MBTPS2: variants seen among roughly 807,000 people sequenced by gnomAD.
The protein encoded by MBTPS2 is membrane-bound transcription factor site-2 protease.
In MBTPS2, 2 loss-of-function variants were observed where a neutral mutation model predicts 35.4. The ratio of observed to expected loss-of-function variants is 0.06; its 90% CI spans 0.02 to 0.18. The LOEUF is 0.18. Ranked by LOEUF, MBTPS2 falls within the 10% of genes least tolerant of loss-of-function variation. The pLI, the probability that MBTPS2 is intolerant of heterozygous loss-of-function variation, is 1.00. For synonymous variants in MBTPS2, 125 were observed against 140.4 expected, an observed-to-expected ratio of 0.89 and a Z score of 0.77; for missense variants, 244 against 386.5, an observed-to-expected ratio of 0.63 and a Z score of 3.09.
intron 3 of MBTPS2, among the ~76,000 whole-genome samples, chrX:21,846,203 C>G (rs758946794): frequency 9.0e-6 from 1 of 111,133 alleles, no homozygotes; most frequent in Admixed American, 9.6e-5. Context: ...GGTGAGGCCT[C>G]AGAAGAAATT....
chrX:21,876,588 A>G (rs1419921057), intron 7 of MBTPS2, among the ~76,000 whole-genome samples: 2 of 109,251 alleles, frequency 1.8e-5, no homozygotes, highest in African/African-American at 6.6e-5. Flanking sequence ...AGAAAACAGA[A>G]CAAAGAACAA....
chrX:21,881,441 T>C (rs913277249), intron 10 of MBTPS2, among the ~76,000 whole-genome samples: 1 of 111,829 alleles, frequency 8.9e-6, no homozygotes, highest in Non-Finnish European at 1.9e-5. Context: ...CCAAATCTTA[T>C]TGTGGTCTTT....
intron 5 of MBTPS2, among the ~76,000 whole-genome samples, chrX:21,860,419 A>C (rs1167028778): frequency 8.9e-6 from 1 of 112,421 alleles, no homozygotes; most frequent in Non-Finnish European, 1.9e-5. Context: ...TCTCAAAAAA[A>C]ATAAAGTAAA....
At chrX:21,849,858 C>CAA (rs34366540) in intron 3 of MBTPS2, among the ~76,000 whole-genome samples, 1 of 77,226 alleles carries the variant, frequency 1.3e-5, no homozygotes, top group Non-Finnish European at 2.6e-5. Context: ...ACTAAAAATA[C>CAA]AAAAAAAAAA....
At chrX:21,858,911 A>G (rs1324231742) in intron 5 of MBTPS2, among the ~76,000 whole-genome samples, 6 of 103,412 alleles carry the variant, frequency 5.8e-5, no homozygotes, top group African/African-American at 1.8e-4. Flanking sequence ...AAAAAAGAGA[A>G]AAAGGGGCAG....
At chrX:21,851,371 C>A in intron 3 of MBTPS2, 138 bp from the exon 4 acceptor site, 1 of 521,486 alleles carries the variant, frequency 1.9e-6, no homozygotes, top group East Asian at 3.4e-5. Flanking sequence ...AGAAGTGAAC[C>A]ATTGTCATAT....
chrX:21,852,588 C>T (rs2092916002), intron 4 of MBTPS2, among the ~76,000 whole-genome samples: 1 of 109,335 alleles, frequency 9.1e-6, no homozygotes, highest in African/African-American at 3.3e-5. Context: ...AACAGCTTAA[C>T]AATTTACAGT....
intron 7 of MBTPS2, among the ~76,000 whole-genome samples, chrX:21,876,016 A>G (rs759213171): frequency 8.9e-6 from 1 of 112,251 alleles, no homozygotes; most frequent in East Asian, 2.8e-4. Flanking sequence ...AAGAGGGAAT[A>G]GGTAAGGAGA....
In MBTPS2 at chrX:21,878,686, T is replaced by C. The variant is rs373607391; in HGVS notation, c.1255T>C (p.Tyr419His). The C allele has an allele frequency of 8.4e-6, 10 of 1,188,167 alleles. No homozygotes were observed. The African/African-American group carries it at 1.6e-4, about 19-fold the overall frequency. Residue 419 changes from tyrosine (Y) to histidine (H), a missense_variant, in exon 9 of 11, where the codon TAC (tyrosine) becomes CAC (histidine). Transcript: ENST00000379484. ...CGTAGGACATCCTCTGCATCTTCAC[T>C]ACACAGGTGAGTATTTTTGTGGTAG... ...LYVGHPLHLH[Y>H]TVSITSFIPR...
chrX:21,876,820 A>T (rs2147452639), intron 7 of MBTPS2, among the ~76,000 whole-genome samples: 1 of 112,388 alleles, frequency 8.9e-6, no homozygotes, highest in South Asian at 3.7e-4. Flanking sequence ...TTATAAAATT[A>T]AAATTACATT....
Position 21,863,281 on chromosome X carries a change from AT to A in MBTPS2, c.671-5184del, listed in dbSNP as rs1352767906. Among the ~76,000 whole-genome samples, 7 of 101,989 alleles carry A rather than the reference AT, an allele frequency of 6.9e-5. No homozygotes were observed. The South Asian group carries it at 2.6e-3, about 37-fold the overall frequency. 88.6% of individuals were successfully genotyped at this position (101,989 alleles called of 115,157 possible). ...ACTGTCTCAAAAAAAAAAAAAAAAA[AT>A]TAAATTTAAAAAAAAATTAAAAACT... On this transcript the variant is annotated intron_variant, in intron 5 of 10. Coordinates refer to ENST00000379484, the MANE Select transcript of MBTPS2 (RefSeq NM_015884.4).
chrX:21,862,968 A>ATATATATATATATATATATATATAT (rs1569325859), intron 5 of MBTPS2, among the ~76,000 whole-genome samples: 16 of 67,086 alleles, frequency 2.4e-4, no homozygotes, highest in East Asian at 5.6e-4. Flanking sequence ...ATATATATAT[A>ATATATATATATATATATATATATAT]AAACCGACTG....
At chrX:21,856,272 C>T (rs1423213823) in intron 5 of MBTPS2, 2 of 440,148 alleles carry the variant, frequency 4.5e-6, no homozygotes, top group South Asian at 4.1e-5. Context: ...TCGTGCTTTC[C>T]TCAGTCTCGC....
intron 3 of MBTPS2, among the ~76,000 whole-genome samples, chrX:21,847,521 A>G (rs1241289231): frequency 8.9e-6 from 1 of 112,157 alleles, no homozygotes; most frequent in Non-Finnish European, 1.9e-5. Context: ...TGTGTGAATC[A>G]TGGCAGAGAC....
intron 3 of MBTPS2, among the ~76,000 whole-genome samples, chrX:21,846,787 C>G (rs2092909191): frequency 9.0e-6 from 1 of 111,655 alleles, no homozygotes; most frequent in African/African-American, 3.3e-5. Flanking sequence ...GGCAAGAGAA[C>G]AGGATAGTGC....
rs2092900494 is a variant in MBTPS2, at chrX:21,839,698, C to T, written c.-37C>T. On this transcript the variant is annotated 5_prime_UTR_variant, in exon 1 of 11. Transcript: ENST00000379484. ...GTTGGCGGTGCAGGGAGGAGGACGC[C>T]GGGGCTCGCCTTCCCTCCTCTGCCG... The T allele has an allele frequency of 8.6e-7, 1 of 1,158,364 alleles. No homozygotes were observed. The highest frequency in any genetic ancestry group is 1.2e-6 in the Non-Finnish European group (1 of 864,210).
At position 21,884,057 on chromosome X, in the gene MBTPS2, T is replaced by C; in HGVS notation, c.*1402T>C. The stretch of plus-strand genomic sequence containing the variant: ...TGATGTATTCCATGGGGTTACCTTT[T>C]TCAGATTATTGAGTTGCTCTGTAAG... On this transcript the variant is annotated 3_prime_UTR_variant, in exon 11 of 11. Coordinates refer to ENST00000379484, the MANE Select transcript of MBTPS2 (RefSeq NM_015884.4). 1.3e-6 allele frequency: 1 copy of C among 753,920 alleles called. No individual in the cohort carries two copies. The highest frequency in any genetic ancestry group is 1.6e-6 in the Non-Finnish European group (1 of 638,620). The allele number at this position is 753,920 out of a possible 1,213,427, so 62.1% of individuals were successfully genotyped here. A position where few individuals can be genotyped will look rare whatever the true frequency, so the allele number is the denominator to read the frequency against.
intron 5 of MBTPS2, among the ~76,000 whole-genome samples, chrX:21,862,933 C>CATATATATATAAACATAT (rs2092934141): frequency 3.6e-5 from 1 of 27,685 alleles, no homozygotes; most frequent in African/African-American, 7.8e-5. Context: ...TATATATAAA[C>CATATATATATAAACATAT]ATATATATAT....
rs2092960858 is a variant in MBTPS2 at position 21,882,804 on chromosome X, C to G, written c.*149C>G. On this transcript the variant is annotated 3_prime_UTR_variant, in exon 11 of 11. Transcript: ENST00000379484. ...AACAACCCTGAGCTCCTCCCATATC[C>G]AGAGTACCCAAACTCTGTGGTAGAA... 1 of 1,127,723 alleles carries G rather than the reference C, an allele frequency of 8.9e-7. No individual in the cohort carries two copies. The highest frequency in any genetic ancestry group is 1.2e-6 in the Non-Finnish European group (1 of 856,067). The allele number at this position is 1,127,723 out of a possible 1,213,427, so 92.9% of individuals were successfully genotyped here.
Sources: allele counts gnomAD v4.1 joint callset (sites outside exome capture counted in the v4.1 genomes callset), GRCh38; gene constraint gnomAD v4.1.1; transcripts MANE v1.5; gene names NCBI Gene and HGNC (gene_info 2026-07-23, HGNC 2026-07-21).